PPDPFL: variants seen among roughly 807,000 people sequenced by gnomAD.
PPDPFL encodes pancreatic progenitor cell differentiation and proliferation factor-like protein.
PPDPFL carries 12 observed loss-of-function variants against 12.6 expected under a neutral mutation model. The ratio of observed to expected loss-of-function variants is 0.95; its 90% CI spans 0.61 to 1.54. The LOEUF (loss-of-function observed/expected upper bound fraction) is 1.54, where lower values mean the gene tolerates loss of function less well. PPDPFL is among the 40% of genes most tolerant of loss of function. The pLI is 0.00. For missense variants in PPDPFL, 114 were observed against 96.0 expected, an observed-to-expected ratio of 1.19 and a Z score of -0.78; for synonymous variants, 24 against 32.7, an observed-to-expected ratio of 0.73 and a Z score of 0.91.
At chr8:49,064,543 G>A (rs555837513) in intron 1 of PPDPFL, among the ~76,000 whole-genome samples, 1 of 152,258 alleles carries the variant, frequency 6.6e-6, no homozygotes, top group African/African-American at 2.4e-5. Flanking sequence ...GGGCCTGGCA[G>A]TGCCGCCCAG....
At position 49,075,186 on chromosome 8, in the gene PPDPFL, G is replaced by T; in HGVS notation, c.*13G>T. 6.2e-7 allele frequency: 1 copy of T among 1,613,682 alleles called. No individual in the cohort carries two copies. The highest frequency in any genetic ancestry group is 8.5e-7 in the Non-Finnish European group (1 of 1,179,694). ...GAGCACTTTGTAGCTGATCATCTTTGCACTGCCATTTGATGAACATGTTGG... is the reference window on the plus strand; with the variant it reads ...GAGCACTTTGTAGCTGATCATCTTTTCACTGCCATTTGATGAACATGTTGG... On this transcript the variant is annotated 3_prime_UTR_variant, in exon 5 of 5. Coordinates refer to ENST00000522267, the MANE Select transcript of PPDPFL (RefSeq NM_001256597.2).
At chr8:49,056,478 A>G (rs1263744421) in intron 1 of PPDPFL, among the ~76,000 whole-genome samples, 2 of 152,152 alleles carry the variant, frequency 1.3e-5, no homozygotes, top group African/African-American at 2.4e-5. Context: ...ATTATAATTT[A>G]TTAGATTACT....
In PPDPFL at chr8:49,075,216, G is replaced by A. The variant is rs1808473812; in HGVS notation, c.*43G>A. 3.1e-6 allele frequency: 5 copies of A among 1,613,768 alleles called. No individual in the cohort carries two copies. Among genetic ancestry groups the A allele is most frequent in the Admixed American group, 1.7e-5 (1 of 59,990 alleles). On this transcript the variant is annotated 3_prime_UTR_variant, in exon 5 of 5. Coordinates refer to ENST00000522267, the MANE Select transcript of PPDPFL (RefSeq NM_001256597.2). ...GCCATTTGATGAACATGTTGGTAAC[G>A]GTTGCCTGCCTTATGTAGCATGAAC...
At chr8:49,064,648 T>G (rs934902139) in intron 1 of PPDPFL, among the ~76,000 whole-genome samples, 2 of 152,130 alleles carry the variant, frequency 1.3e-5, no homozygotes, top group African/African-American at 2.4e-5. Context: ...TTCAGCATTT[T>G]CCCAAGAAAA....
chr8:49,068,755 A>G (rs995550357), upstream of PPDPFL, among the ~76,000 whole-genome samples: 1 of 152,196 alleles, frequency 6.6e-6, no homozygotes, highest in African/African-American at 2.4e-5. Context: ...AATGCAGTAC[A>G]GACAATAAAG....
chr8:49,074,820 G>A, intron 4 of PPDPFL: 1 of 1,416,650 alleles, frequency 7.1e-7, no homozygotes. Context: ...GACTAGCACA[G>A]TTGTAATTTA....
chr8:49,062,514 C>T (rs1262240079), intron 1 of PPDPFL, among the ~76,000 whole-genome samples: 1 of 152,136 alleles, frequency 6.6e-6, no homozygotes, highest in Non-Finnish European at 1.5e-5. Flanking sequence ...ACATTGGAGA[C>T]AAGAGCACCA....
chr8:49,067,282 A>T (rs1323025748), intron 1 of PPDPFL, among the ~76,000 whole-genome samples: 2 of 152,236 alleles, frequency 1.3e-5, no homozygotes, highest in African/African-American at 4.8e-5. Flanking sequence ...TTTAATGCAG[A>T]TTCCCATGTG....
chr8:49,073,502 G>T lies in PPDPFL; in HGVS notation c.56-557G>T, dbSNP rs75100205. Among the ~76,000 whole-genome samples, 415 of 152,288 alleles carry T rather than the reference G, an allele frequency of 2.7e-3. 2 individuals are homozygous for T. Among genetic ancestry groups the T allele is most frequent in the African/African-American group, 9.6e-3 (401 of 41,570 alleles). ...TTCAAGGGTTGTTTGTAGTATAAGT[G>T]TTAGAGACAACTACTGATTTATTCA... On this transcript the variant is annotated intron_variant, in intron 2 of 4. Coordinates refer to ENST00000522267, the MANE Select transcript of PPDPFL (RefSeq NM_001256597.2).
chr8:49,073,493 A>G (rs947955334), intron 2 of PPDPFL, among the ~76,000 whole-genome samples: 9 of 152,240 alleles, frequency 5.9e-5, no homozygotes, highest in African/African-American at 1.9e-4. Context: ...GGTTGTTTGT[A>G]GTATAAGTGT....
chr8:49,074,793 T>A, intron 4 of PPDPFL: 1 of 1,430,998 alleles, frequency 7.0e-7, no homozygotes, highest in South Asian at 1.5e-5. Context: ...TTCAGACATT[T>A]TGAACTCAAA....
At chr8:49,058,892 G>T (rs573572337) in intron 1 of PPDPFL, among the ~76,000 whole-genome samples, 1 of 152,290 alleles carries the variant, frequency 6.6e-6, no homozygotes, top group South Asian at 2.1e-4. Context: ...CTTTCTGGCT[G>T]CCTGTTAATA....
rs1333832271 is a variant in PPDPFL, at chr8:49,054,370, G to A, written c.-45+1G>A. 5 of 152,000 alleles carry A rather than the reference G, an allele frequency of 3.3e-5. No homozygotes were observed. Among genetic ancestry groups the A allele is most frequent in the African/African-American group, 1.2e-4 (5 of 41,386 alleles). 9.4% of individuals were successfully genotyped at this position (152,000 alleles called of 1,614,324 possible). ...ATGATTCACTTCTACTTAAGGCATA[G>A]TAAATATATTTTCTCTTCCTTATGA... On this transcript the variant is annotated splice_donor_variant, in intron 1 of 4. Transcript: ENST00000517663. LOFTEE classifies it low-confidence loss of function (5UTR_SPLICE).
intron 1 of PPDPFL, among the ~76,000 whole-genome samples, chr8:49,060,533 G>C (rs573510170): frequency 6.6e-6 from 1 of 152,128 alleles, no homozygotes; most frequent in South Asian, 2.1e-4. Context: ...GGCTGGTCTC[G>C]AACTCCTGAC....
At chr8:49,060,647 T>G (rs1466892026) in intron 1 of PPDPFL, among the ~76,000 whole-genome samples, 6 of 152,114 alleles carry the variant, frequency 3.9e-5, no homozygotes, top group Non-Finnish European at 5.9e-5. Context: ...GGAAATTATT[T>G]TGTATAAGTT....
intron 1 of PPDPFL, among the ~76,000 whole-genome samples, chr8:49,059,884 CT>C (rs1334124405): frequency 2.0e-5 from 3 of 152,056 alleles, no homozygotes; most frequent in East Asian, 3.9e-4. Context: ...ATTTTGTTGT[CT>C]TTTTTTTCTT....
upstream of PPDPFL, among the ~76,000 whole-genome samples, chr8:49,070,150 CTAAA>C (rs947565580): frequency 8.5e-5 from 13 of 152,062 alleles, no homozygotes; most frequent in African/African-American, 3.1e-4. Flanking sequence ...AAACAGAAAA[CTAAA>C]TACCACATGT....
At position 49,074,223 on chromosome 8, in the gene PPDPFL, T is replaced by G; in HGVS notation, c.134-11T>G. On this transcript the variant is annotated splice_polypyrimidine_tract_variant and intron_variant, in intron 3 of 4. Coordinates refer to ENST00000522267, the MANE Select transcript of PPDPFL (RefSeq NM_001256597.2). ...TGTTTGATAAGGAGTAACATGAATT[T>G]TATTTAATAGGGTTGCCTGAAGTGG... 6.2e-7 allele frequency: 1 copy of G among 1,613,050 alleles called. No homozygotes were observed. Among genetic ancestry groups the G allele is most frequent in the Non-Finnish European group, 8.5e-7 (1 of 1,179,046 alleles).
intron 1 of PPDPFL, among the ~76,000 whole-genome samples, chr8:49,062,820 G>T (rs142419259): frequency 3.3e-5 from 5 of 152,286 alleles, no homozygotes; most frequent in African/African-American, 1.2e-4. Context: ...ATACAGCCAA[G>T]GATTTTGAGG....
Sources: allele counts gnomAD v4.1 joint callset (sites outside exome capture counted in the v4.1 genomes callset), GRCh38; gene constraint gnomAD v4.1.1; transcripts MANE v1.5; gene names NCBI Gene and HGNC (gene_info 2026-07-23, HGNC 2026-07-21).